The following DYNC1I1 variants were observed in gnomAD, a reference collection of about 807,000 sequenced individuals.
DYNC1I1 encodes dynein cytoplasmic 1 intermediate chain 1.
DYNC1I1 carries 43 observed loss-of-function variants against 86.6 expected under a neutral mutation model. That is an observed-to-expected ratio of 0.50 (90% CI 0.39 to 0.64). DYNC1I1 has a LOEUF of 0.64. Ranked by LOEUF, DYNC1I1 falls within the 30% of genes least tolerant of loss-of-function variation. The probability of loss-of-function intolerance (pLI) is 0.00; values close to 1 mark genes in which losing one functional copy is unlikely to be tolerated. For missense variants in DYNC1I1, 604 were observed against 788.8 expected (o/e 0.77, Z 2.81); for synonymous variants, 262 against 283.7 (o/e 0.92, Z 0.77).
rs529702265 is a variant in DYNC1I1 at position 95,977,994 on chromosome 7, A to G, written c.580+393A>G. Among the ~76,000 whole-genome samples, 5 of 152,336 alleles carry G rather than the reference A, an allele frequency of 3.3e-5. No individual in the cohort carries two copies. In the South Asian group the frequency reaches 1.0e-3, roughly 32 times the overall value. ...GTGTTTTCATGTGATCTACATAGAA[A>G]CATTAATAGTGATCAACGCTAGTAA... On this transcript the variant is annotated intron_variant, in intron 7 of 16. Transcript: ENST00000447467.
At chr7:95,997,999 G>A (rs907316920) in intron 10 of DYNC1I1, among the ~76,000 whole-genome samples, 1 of 152,176 alleles carries the variant, frequency 6.6e-6, no homozygotes, top group African/African-American at 2.4e-5. Context: ...AATAGTGATG[G>A]AGGTTAGGTA....
chr7:95,873,330 G>C (rs1790222598), intron 6 of DYNC1I1, among the ~76,000 whole-genome samples: 1 of 152,190 alleles, frequency 6.6e-6, no homozygotes, highest in Non-Finnish European at 1.5e-5. Flanking sequence ...CATTGGGTCA[G>C]CTGGACCATA....
At chr7:95,943,212 A>G (rs1309982159) in intron 6 of DYNC1I1, among the ~76,000 whole-genome samples, 1 of 151,892 alleles carries the variant, frequency 6.6e-6, no homozygotes, top group Non-Finnish European at 1.5e-5. Flanking sequence ...AATCACAAGC[A>G]TTCTTATATG....
At chr7:95,956,475 C>T (rs1792716664) in intron 6 of DYNC1I1, among the ~76,000 whole-genome samples, 3 of 150,296 alleles carry the variant, frequency 2.0e-5, no homozygotes, top group South Asian at 2.1e-4. Flanking sequence ...TGGCTGTTTG[C>T]TGCACCCATT....
chr7:95,866,918 A>G (rs1014716981), intron 5 of DYNC1I1, among the ~76,000 whole-genome samples: 1 of 152,224 alleles, frequency 6.6e-6, no homozygotes, highest in African/African-American at 2.4e-5. Context: ...CAGACCCTGA[A>G]CTCACAAACA....
chr7:96,060,594 C>G (rs1453994595), intron 14 of DYNC1I1, among the ~76,000 whole-genome samples: 1 of 152,040 alleles, frequency 6.6e-6, no homozygotes, highest in African/African-American at 2.4e-5. Context: ...TAGAATGTAC[C>G]ATACCAAGTG....
chr7:95,909,251 G>GGGGGGGGGGGGGGGA (rs1791263709), intron 6 of DYNC1I1, among the ~76,000 whole-genome samples: 1 of 110,446 alleles, frequency 9.1e-6, no homozygotes, highest in Non-Finnish European at 1.9e-5. Context: ...GGTGGGGGGG[G>GGGGGGGGGGGGGGGA]GGGGCGGGGC....
chr7:96,056,366 A>G (rs1028692303), intron 14 of DYNC1I1, among the ~76,000 whole-genome samples: 3 of 152,150 alleles, frequency 2.0e-5, no homozygotes, highest in Admixed American at 6.6e-5. Context: ...TCTGTAATAA[A>G]TTAAAGTGGT....
At chr7:96,076,419 G>C (rs956972526) in intron 15 of DYNC1I1, among the ~76,000 whole-genome samples, 1 of 152,206 alleles carries the variant, frequency 6.6e-6, no homozygotes, top group Non-Finnish European at 1.5e-5. Flanking sequence ...GCTGCTCTCG[G>C]ACAATTAACG....
At chr7:96,101,427 C>A (rs1458031997), downstream of DYNC1I1, among the ~76,000 whole-genome samples, 1 of 152,040 alleles carries the variant, frequency 6.6e-6, no homozygotes, top group Non-Finnish European at 1.5e-5. Flanking sequence ...GGGAGGACAC[C>A]AGGAGGGAGG....
intron 7 of DYNC1I1, among the ~76,000 whole-genome samples, chr7:95,982,794 C>T (rs1324665616): frequency 1.3e-5 from 2 of 152,086 alleles, no homozygotes; most frequent in East Asian, 3.8e-4. Context: ...ACAGCATTAA[C>T]CAAAACAAAA....
chr7:95,837,343 G>A (rs910577577), intron 5 of DYNC1I1, among the ~76,000 whole-genome samples: 61 of 151,876 alleles, frequency 4.0e-4, no homozygotes, highest in African/African-American at 1.3e-3. Context: ...CTCCAGCTGC[G>A]TACTGGAAGA....
At chr7:95,986,157 G>GGAA (rs2115694345) in intron 8 of DYNC1I1, among the ~76,000 whole-genome samples, 1 of 151,852 alleles carries the variant, frequency 6.6e-6, no homozygotes, top group South Asian at 2.1e-4. Context: ...ATAACTTGTT[G>GGAA]GAAGCCAGGT....
intron 5 of DYNC1I1, among the ~76,000 whole-genome samples, chr7:95,839,803 G>T (rs1161599808): frequency 6.6e-6 from 1 of 151,182 alleles, no homozygotes; most frequent in Non-Finnish European, 1.5e-5. Flanking sequence ...AGGCTTTATT[G>T]CCCCCTTCAT....
At chr7:96,087,242 T>C (rs1190625700) in intron 16 of DYNC1I1, among the ~76,000 whole-genome samples, 2 of 152,174 alleles carry the variant, frequency 1.3e-5, no homozygotes, top group African/African-American at 4.8e-5. Flanking sequence ...AAACACAAAA[T>C]TGAAAAGTTA....
intron 5 of DYNC1I1, among the ~76,000 whole-genome samples, chr7:95,862,584 G>A (rs1264871388): frequency 1.3e-5 from 2 of 152,158 alleles, no homozygotes; most frequent in African/African-American, 4.8e-5. Flanking sequence ...CAATTAGAAC[G>A]CTAATACACT....
chr7:95,834,515 T>C (rs1245200307), intron 5 of DYNC1I1, among the ~76,000 whole-genome samples: 32 of 113,548 alleles, frequency 2.8e-4, no homozygotes, highest in Admixed American at 5.0e-4. Context: ...TCCCTCTTTT[T>C]CTATTGATTG....
Position 95,865,549 on chromosome 7 carries a change from G to A in DYNC1I1, c.375-4334G>A, listed in dbSNP as rs146777687. ...TAAGTATCTTTGCAGTCTAGTCATG[G>A]GTGAGAGACATGAAAAAGAAGTGAA... On this transcript the variant is annotated intron_variant, in intron 5 of 16. Coordinates refer to ENST00000447467, the MANE Select transcript of DYNC1I1 (RefSeq NM_001135556.2). 2.9e-3 allele frequency among the ~76,000 whole-genome samples: 444 copies of A among 152,214 alleles called. 3 individuals carry two copies. The Middle Eastern group carries it at 0.037, about 13-fold the overall frequency.
rs9641181 is a variant in DYNC1I1 at position 96,008,987 on chromosome 7, G to A, written c.969+12914G>A. On this transcript the variant is annotated intron_variant, in intron 10 of 16. Coordinates refer to ENST00000447467, the MANE Select transcript of DYNC1I1 (RefSeq NM_001135556.2). ...ATATTATGCTATTAAATATAAGATG[G>A]CAAAATATTATGTTGCTTCATAACA... is the stretch of plus-strand genomic sequence containing the variant. 3.8e-3 allele frequency among the ~76,000 whole-genome samples: 583 copies of A among 152,182 alleles called. 15 individuals are homozygous for A. The East Asian group carries it at 0.064, about 17-fold the overall frequency.
Sources: gnomAD v4.1 joint callset for allele counts (sites outside exome capture counted in the v4.1 genomes callset) on GRCh38, gnomAD v4.1.1 for gene constraint, MANE v1.5 for transcripts, NCBI Gene and HGNC (gene_info 2026-07-23, HGNC 2026-07-21) for gene names.